Variants in UVRAG observed in about 807,000 individuals in gnomAD.
UVRAG encodes UV radiation resistance-associated gene protein.
In UVRAG, 19 loss-of-function variants were observed where a neutral mutation model predicts 78.0. The ratio of observed to expected loss-of-function variants is 0.24; its 90% confidence interval spans 0.17 to 0.36. The LOEUF is 0.36. UVRAG is among the 10% of genes least tolerant of loss of function. The pLI, the probability that UVRAG is intolerant of heterozygous loss-of-function variation, is 1.00. For missense variants in UVRAG, 740 were observed against 853.8 expected (o/e 0.87, Z 1.66); for synonymous variants, 323 against 324.6 (o/e 1.00, Z 0.05).
At chr11:75,949,777 A>T (rs1449757876) in intron 6 of UVRAG, among the ~76,000 whole-genome samples, 2 of 149,332 alleles carry the variant, frequency 1.3e-5, no homozygotes, top group Non-Finnish European at 3.0e-5. Context: ...ATATACACAT[A>T]TATATACACA....
chr11:75,973,852 A>G (rs1591080285), intron 7 of UVRAG, among the ~76,000 whole-genome samples: 4 of 152,308 alleles, frequency 2.6e-5, no homozygotes, highest in East Asian at 3.9e-4. Context: ...GATGGTTTCC[A>G]GCTTCATCCA....
chr11:75,917,913 A>G (rs1292464741), intron 6 of UVRAG, among the ~76,000 whole-genome samples: 2 of 152,200 alleles, frequency 1.3e-5, no homozygotes, highest in African/African-American at 2.4e-5. Flanking sequence ...CTAGATGAAG[A>G]AATTAAGGCA....
chr11:76,005,524 C>A (rs747540075), intron 9 of UVRAG, among the ~76,000 whole-genome samples: 3 of 152,188 alleles, frequency 2.0e-5, no homozygotes, highest in Non-Finnish European at 4.4e-5. Context: ...CAGTGATTTT[C>A]GTACTGTTAC....
At chr11:76,050,969 C>T (rs757783339) in intron 12 of UVRAG, among the ~76,000 whole-genome samples, 2 of 152,152 alleles carry the variant, frequency 1.3e-5, no homozygotes, top group African/African-American at 4.8e-5. Flanking sequence ...CTCCTCTTCT[C>T]ATCTCAAAAT....
chr11:76,080,486 AT>A (rs1951475787), intron 13 of UVRAG, among the ~76,000 whole-genome samples: 1 of 151,878 alleles, frequency 6.6e-6, no homozygotes, highest in African/African-American at 2.4e-5. Context: ...TTGAGCACAT[AT>A]TGCTTTTATA....
chr11:75,969,551 C>T (rs373459066), intron 7 of UVRAG, among the ~76,000 whole-genome samples: 1 of 151,914 alleles, frequency 6.6e-6, no homozygotes, highest in Non-Finnish European at 1.5e-5. Flanking sequence ...TGCAGTAGGG[C>T]CTTTATTGAT....
At chr11:76,012,775 A>G (rs1591131782) in intron 11 of UVRAG, among the ~76,000 whole-genome samples, 1 of 150,528 alleles carries the variant, frequency 6.6e-6, no homozygotes, top group East Asian at 1.9e-4. Flanking sequence ...TGACCGAGAC[A>G]TTTAGCTTAA....
chr11:76,023,466 GTTGT>G (rs1347022361), intron 12 of UVRAG, among the ~76,000 whole-genome samples: 3 of 149,918 alleles, frequency 2.0e-5, no homozygotes, highest in Non-Finnish European at 1.5e-5. Flanking sequence ...GTGGCTCTGG[GTTGT>G]TTGTTTGCCT....
intron 12 of UVRAG, among the ~76,000 whole-genome samples, chr11:76,018,214 C>A (rs1337724678): frequency 6.7e-6 from 1 of 148,844 alleles, no homozygotes; most frequent in Non-Finnish European, 1.5e-5. Context: ...TTTTTTTTGC[C>A]TTCAGCACTT....
At chr11:75,920,067 C>A in intron 6 of UVRAG, among the ~76,000 whole-genome samples, 1 of 115,130 alleles carries the variant, frequency 8.7e-6, no homozygotes, top group Admixed American at 1.2e-4. Context: ...GCTCTGTTGC[C>A]CAGCCTGGAG....
At chr11:75,876,157 G>T (rs1181468160) in intron 3 of UVRAG, among the ~76,000 whole-genome samples, 1 of 152,078 alleles carries the variant, frequency 6.6e-6, no homozygotes, top group Non-Finnish European at 1.5e-5. Flanking sequence ...TGATGTTAAT[G>T]GTGATTATTA....
chr11:76,123,962 C>T (rs1036362410), intron 14 of UVRAG, among the ~76,000 whole-genome samples: 44 of 151,716 alleles, frequency 2.9e-4, no homozygotes, highest in African/African-American at 1.0e-3. Context: ...GACAGGGTTT[C>T]ACCATGTTGG....
At chr11:76,044,977 A>T (rs1026047773) in intron 12 of UVRAG, among the ~76,000 whole-genome samples, 1 of 152,152 alleles carries the variant, frequency 6.6e-6, no homozygotes, top group Non-Finnish European at 1.5e-5. Context: ...AAGCTGATTC[A>T]TGCTGCAGAA....
Position 76,016,808 on chromosome 11 carries a change from T to C in UVRAG, c.1061-7T>C. 1 of 1,582,890 alleles carries C rather than the reference T, an allele frequency of 6.3e-7. No homozygotes were observed. Among genetic ancestry groups the C allele is most frequent in the South Asian group, 1.2e-5 (1 of 82,888 alleles). On this transcript the variant is annotated splice_polypyrimidine_tract_variant and splice_region_variant and intron_variant, in intron 11 of 14. Coordinates refer to ENST00000356136, the MANE Select transcript of UVRAG (RefSeq NM_003369.4). ...TATTTTCTTTTCCTCTGCTTTTGAATTTACAGCAAAAGATGATGGAAGCAT... is the reference window on the plus strand; with the variant it reads ...TATTTTCTTTTCCTCTGCTTTTGAACTTACAGCAAAAGATGATGGAAGCAT...
At chr11:76,089,442 T>G (rs774233094) in intron 13 of UVRAG, among the ~76,000 whole-genome samples, 1 of 152,184 alleles carries the variant, frequency 6.6e-6, no homozygotes, top group Non-Finnish European at 1.5e-5. Context: ...TATATGTAAT[T>G]CAGCTAGTAT....
At chr11:76,098,257 G>A (rs1383029502) in intron 13 of UVRAG, among the ~76,000 whole-genome samples, 1 of 152,128 alleles carries the variant, frequency 6.6e-6, no homozygotes, top group Non-Finnish European at 1.5e-5. Flanking sequence ...GAGGGAAAAG[G>A]AAGATAACTA....
intron 6 of UVRAG, among the ~76,000 whole-genome samples, chr11:75,924,777 G>A (rs1948058409): frequency 6.6e-6 from 1 of 152,092 alleles, no homozygotes; most frequent in Non-Finnish European, 1.5e-5. Flanking sequence ...TCTTTAACTA[G>A]GACCTCTTAT....
chr11:75,886,483 T>C (rs937698595), intron 4 of UVRAG, among the ~76,000 whole-genome samples: 7 of 152,216 alleles, frequency 4.6e-5, no homozygotes, highest in Admixed American at 2.0e-4. Context: ...TGTAAAAATG[T>C]TTTATGTTTA....
At chr11:75,878,661 C>G (rs1178010274) in intron 3 of UVRAG, among the ~76,000 whole-genome samples, 2 of 152,218 alleles carry the variant, frequency 1.3e-5, no homozygotes, top group South Asian at 4.1e-4. Context: ...GAGCTGGAGA[C>G]CAGCCCGGCT....
Sources: allele counts gnomAD v4.1 joint callset (sites outside exome capture counted in the v4.1 genomes callset), GRCh38; gene constraint gnomAD v4.1.1; transcripts MANE v1.5; gene names NCBI Gene and HGNC (gene_info 2026-07-23, HGNC 2026-07-21).